Variants in POLR1D observed in about 807,000 individuals in gnomAD.
The protein encoded by POLR1D is DNA-directed RNA polymerases I and III subunit RPAC2.
Under a neutral mutation model 10.8 loss-of-function variants are expected in POLR1D, and 8 were observed. The ratio of observed to expected loss-of-function variants is 0.74; its 90% CI spans 0.43 to 1.33. The LOEUF (loss-of-function observed/expected upper bound fraction) is 1.33, where lower values mean the gene tolerates loss of function less well. Among genes scored for constraint, POLR1D ranks in the 40% most tolerant of loss-of-function variants. The probability of loss-of-function intolerance (pLI) is 0.01; values close to 1 mark genes in which losing one functional copy is unlikely to be tolerated. For missense variants in POLR1D, 152 were observed against 161.7 expected (o/e 0.94, Z 0.32); for synonymous variants, 54 against 57.2 (o/e 0.94, Z 0.25).
chr13:27,623,919 A>G (rs1455599374), downstream of POLR1D, among the ~76,000 whole-genome samples: 1 of 152,144 alleles, frequency 6.6e-6, no homozygotes, highest in African/African-American at 2.4e-5. Flanking sequence ...TAAGTAAGGT[A>G]AGATGTTTTG....
At chr13:27,624,573 G>T (rs962314021), downstream of POLR1D, among the ~76,000 whole-genome samples, 2 of 152,048 alleles carry the variant, frequency 1.3e-5, no homozygotes, top group African/African-American at 4.8e-5. Context: ...AGTAAGTCCT[G>T]TTCTCATAAA....
chr13:27,644,796 TAC>T (rs1424205768), intron 1 of POLR1D, among the ~76,000 whole-genome samples: 3 of 152,218 alleles, frequency 2.0e-5, no homozygotes, highest in African/African-American at 7.2e-5. Flanking sequence ...GTATTTTAAT[TAC>T]AGTTTATACT....
At chr13:27,656,444 T>C (rs1443092247) in intron 2 of POLR1D, among the ~76,000 whole-genome samples, 93 of 152,338 alleles carry the variant, frequency 6.1e-4, no homozygotes, top group African/African-American at 2.0e-3. Context: ...AGAGCTAGGC[T>C]CTGCTATTTT....
At chr13:27,629,808 G>A (rs1028607330) in intron 1 of POLR1D, among the ~76,000 whole-genome samples, 9 of 152,224 alleles carry the variant, frequency 5.9e-5, no homozygotes, top group Admixed American at 2.6e-4. Context: ...TGTAGCAGAT[G>A]GGTACCTGGC....
intron 2 of POLR1D, among the ~76,000 whole-genome samples, chr13:27,653,828 A>C (rs1956287134): frequency 6.6e-6 from 1 of 152,366 alleles, no homozygotes; most frequent in African/African-American, 2.4e-5. Context: ...GGCTTATAGA[A>C]GACACCTGGG....
Position 27,652,907 on chromosome 13 carries a change from A to ACTTCTT in POLR1D, c.101+4454_101+4455insCTTCTT, listed in dbSNP as rs1365436145. Among the ~76,000 whole-genome samples, 471 of 78,424 alleles carry ACTTCTT rather than the reference A, an allele frequency of 6.0e-3. 45 individuals carry two copies. Among genetic ancestry groups the ACTTCTT allele is most frequent in the African/African-American group, 0.023 (389 of 16,640 alleles). The allele number at this position is 78,424 out of a possible 152,430, so 51.4% of individuals were successfully genotyped here. A position where few individuals can be genotyped will look rare whatever the true frequency, so the allele number is the denominator to read the frequency against. ...AAACTTGCCAGAAGTTGCATTTACC[A>ACTTCTT]TTTCTTTTTTTTTTTTTTTTTTTTT... On this transcript the variant is annotated intron_variant, in intron 2 of 2. Transcript: ENST00000399697.
intron 1 of POLR1D, among the ~76,000 whole-genome samples, chr13:27,641,857 A>G (rs1469522740): frequency 6.6e-6 from 1 of 152,318 alleles, no homozygotes; most frequent in East Asian, 1.9e-4. Context: ...TCCCCCGTGC[A>G]TGTAACAGCA....
intron 2 of POLR1D, among the ~76,000 whole-genome samples, chr13:27,657,753 T>C (rs939155439): frequency 6.6e-6 from 1 of 152,184 alleles, no homozygotes; most frequent in African/African-American, 2.4e-5. Flanking sequence ...ATAAAAAGTT[T>C]ATCTGCATTT....
At chr13:27,638,709 C>G (rs1356543984) in intron 1 of POLR1D, among the ~76,000 whole-genome samples, 1 of 152,124 alleles carries the variant, frequency 6.6e-6, no homozygotes, top group African/African-American at 2.4e-5. Flanking sequence ...ATAGGCCATC[C>G]TCGGGGCTGA....
chr13:27,643,561 A>T (rs1357824338), intron 1 of POLR1D, among the ~76,000 whole-genome samples: 1 of 152,166 alleles, frequency 6.6e-6, no homozygotes, highest in Non-Finnish European at 1.5e-5. Flanking sequence ...GTGTGAACCT[A>T]TAAGCAGTGG....
Position 27,652,907 on chromosome 13 carries a change from A to ACTTCTTTTT in POLR1D, c.101+4454_101+4455insCTTCTTTTT, listed in dbSNP as rs1365436145. ...AAACTTGCCAGAAGTTGCATTTACCATTTCTTTTTTTTTTTTTTTTTTTTT... is the reference window on the plus strand; with the variant it reads ...AAACTTGCCAGAAGTTGCATTTACCACTTCTTTTTTTTCTTTTTTTTTTTTTTTTTTTTT... On this transcript the variant is annotated intron_variant, in intron 2 of 2. Transcript: ENST00000399697. Among the ~76,000 whole-genome samples, 53 of 78,512 alleles carry ACTTCTTTTT rather than the reference A, an allele frequency of 6.8e-4. 2 individuals are homozygous for ACTTCTTTTT. The highest frequency in any genetic ancestry group is 2.8e-3 in the African/African-American group (46 of 16,698). The allele number at this position is 78,512 out of a possible 152,430, so 51.5% of individuals were successfully genotyped here.
chr13:27,622,189 C>G (rs900421807), intron 1 of POLR1D, 180 bp downstream of exon 1: 1 of 638,720 alleles, frequency 1.6e-6, no homozygotes, highest in African/African-American at 1.8e-5. Context: ...GGTACACTAG[C>G]TATCAAGGAG....
chr13:27,621,835 C>T (rs2232676), upstream of POLR1D: 86,214 of 788,718 alleles, frequency 0.11, 5,174 homozygotes, highest in South Asian at 0.13. Flanking sequence ...TGGGCCCTGC[C>T]GCGCCGCTGC....
rs556383052 is a variant in POLR1D, at chr13:27,650,085, G to C, written c.101+1632G>C. ...TACAAACTAAAATCAGCCAAAATAA[G>C]ACACAAAGATTAAAGCCACTGTTAT... On this transcript the variant is annotated intron_variant, in intron 2 of 2. Coordinates refer to the POLR1D transcript ENST00000399697. 1.4e-4 allele frequency: 56 copies of C among 398,370 alleles called. No homozygotes were observed. The South Asian group carries it at 6.7e-3, about 48-fold the overall frequency. The allele number at this position is 398,370 out of a possible 1,614,324, so 24.7% of individuals were successfully genotyped here.
intron 1 of POLR1D, among the ~76,000 whole-genome samples, chr13:27,641,025 A>G (rs952759428): frequency 3.9e-5 from 6 of 152,044 alleles, no homozygotes; most frequent in African/African-American, 1.2e-4. Flanking sequence ...ATTGGTTTTT[A>G]TTTGTGTTAT....
chr13:27,661,987 C>T lies in POLR1D; in HGVS notation c.102-3699C>T, dbSNP rs1477428505. ...ATCTGAAACTTCTACAAATACAAAT[C>T]TAACCATGTTAAAAGTACCAAAACT... On this transcript the variant is annotated intron_variant, in intron 2 of 2. Coordinates refer to the POLR1D transcript ENST00000399697. 9.8e-5 allele frequency among the ~76,000 whole-genome samples: 15 copies of T among 152,308 alleles called. No homozygotes were observed. In the East Asian group the frequency reaches 2.9e-3, roughly 29 times the overall value.
At chr13:27,626,150 T>G (rs1458412562), downstream of POLR1D, among the ~76,000 whole-genome samples, 1 of 152,162 alleles carries the variant, frequency 6.6e-6, no homozygotes, top group Non-Finnish European at 1.5e-5. Flanking sequence ...GATTAAAAAC[T>G]TTTTTCCTCT....
chr13:27,659,381 C>T (rs951206796), intron 2 of POLR1D, among the ~76,000 whole-genome samples: 4 of 152,178 alleles, frequency 2.6e-5, no homozygotes, highest in East Asian at 3.9e-4. Flanking sequence ...ACATCTCAGA[C>T]GATTCGTGGA....
intron 1 of POLR1D, among the ~76,000 whole-genome samples, chr13:27,635,328 A>G (rs979376165): frequency 1.3e-5 from 2 of 152,170 alleles, no homozygotes; most frequent in East Asian, 1.9e-4. Flanking sequence ...TCCTCAAAAT[A>G]TAGAAACTTT....
Sources: allele counts gnomAD v4.1 joint callset (sites outside exome capture counted in the v4.1 genomes callset), GRCh38; gene constraint gnomAD v4.1.1; transcripts MANE v1.5; gene names NCBI Gene and HGNC (gene_info 2026-07-23, HGNC 2026-07-21).